The following HS3ST4 variants were observed in gnomAD, a reference collection of about 807,000 sequenced individuals.
HS3ST4 encodes the protein heparan sulfate glucosamine 3-O-sulfotransferase 4.
HS3ST4 carries 17 observed loss-of-function variants against 29.2 expected under a neutral mutation model. That is an observed-to-expected ratio of 0.58 (90% CI 0.40 to 0.87). HS3ST4 has a LOEUF of 0.87. Among genes scored for constraint, HS3ST4 ranks in the 40% least tolerant of loss-of-function variants. The probability of loss-of-function intolerance (pLI) is 0.00; values close to 1 mark genes in which losing one functional copy is unlikely to be tolerated. For missense variants in HS3ST4, 627 were observed against 634.5 expected (o/e 0.99, Z 0.13); for synonymous variants, 314 against 285.7 (o/e 1.10, Z -1.00).
intron 1 of HS3ST4, among the ~76,000 whole-genome samples, chr16:25,826,950 G>A (rs1251451984): frequency 6.6e-6 from 1 of 152,074 alleles, no homozygotes; most frequent in Non-Finnish European, 1.5e-5. Flanking sequence ...AGTCCTCGGT[G>A]TGCCTTTGTT....
rs184277673 is a variant in HS3ST4 at position 26,025,880 on chromosome 16, A to T, written c.735-109732A>T. Among the ~76,000 whole-genome samples the T allele has an allele frequency of 2.4e-3, 373 of 152,270 alleles. 2 individuals are homozygous for T. The highest frequency in any genetic ancestry group is 8.8e-3 in the African/African-American group (366 of 41,562). ...AACCTCTGCCTCCCGGATTTAAACA[A>T]TTCTCCTGCCTCAGCCTCCCAAGTA... On this transcript the variant is annotated intron_variant, in intron 1 of 1. Transcript: ENST00000331351.
chr16:25,740,621 A>T (rs1461560302), intron 1 of HS3ST4, among the ~76,000 whole-genome samples: 1 of 152,206 alleles, frequency 6.6e-6, no homozygotes, highest in Non-Finnish European at 1.5e-5. Context: ...TAAACCATGT[A>T]AAATAAAAGG....
Position 25,993,949 on chromosome 16 carries a change from CGTGTGTGTGTGTGTGTGTGTGT to C in HS3ST4, c.735-141625_735-141604del, listed in dbSNP as rs56226178. On this transcript the variant is annotated intron_variant, in intron 1 of 1. Coordinates refer to ENST00000331351, the MANE Select transcript of HS3ST4 (RefSeq NM_006040.3). ...CATCTTGCCTATGCTCACATAACCT[CGTGTGTGTGTGTGTGTGTGTGT>C]GTGTGTGTGTGTGTGTGTGTGTGTG... Among the ~76,000 whole-genome samples the C allele has an allele frequency of 2.3e-3, 274 of 121,320 alleles. 2 individuals carry two copies. Among genetic ancestry groups the C allele is most frequent in the African/African-American group, 7.4e-3 (222 of 29,972 alleles). 79.6% of individuals were successfully genotyped at this position (121,320 alleles called of 152,430 possible). A position where few individuals can be genotyped will look rare whatever the true frequency, so the allele number is the denominator to read the frequency against.
At chr16:25,819,302 A>G (rs549748107) in intron 1 of HS3ST4, among the ~76,000 whole-genome samples, 1 of 152,258 alleles carries the variant, frequency 6.6e-6, no homozygotes, top group East Asian at 1.9e-4. Flanking sequence ...ACTCTCCTAC[A>G]ACATCCAAGG....
chr16:26,024,962 A>G (rs1184923179), intron 1 of HS3ST4, among the ~76,000 whole-genome samples: 1 of 152,164 alleles, frequency 6.6e-6, no homozygotes, highest in Non-Finnish European at 1.5e-5. Flanking sequence ...AATATGACTT[A>G]TCTTTATTCT....
chr16:26,121,547 C>G (rs1361074166), intron 1 of HS3ST4, among the ~76,000 whole-genome samples: 1 of 152,130 alleles, frequency 6.6e-6, no homozygotes, highest in Non-Finnish European at 1.5e-5. Context: ...GCAAACAGGG[C>G]TTGGATCAGT....
At chr16:26,013,205 CA>C (rs1969327521) in intron 1 of HS3ST4, among the ~76,000 whole-genome samples, 1 of 151,570 alleles carries the variant, frequency 6.6e-6, no homozygotes, top group Non-Finnish European at 1.5e-5. Context: ...AAAAAAACAC[CA>C]AAAAAACAAA....
rs142468680 is a variant in HS3ST4 at position 26,061,507 on chromosome 16, T to C, written c.735-74105T>C. On this transcript the variant is annotated intron_variant, in intron 1 of 1. Coordinates refer to ENST00000331351, the MANE Select transcript of HS3ST4 (RefSeq NM_006040.3). The stretch of plus-strand genomic sequence containing the variant: ...ACCAGGAACAATTATGATCAGGAGG[T>C]GGGTAGATTTAAGAATCCTGGCCAG... Among the ~76,000 whole-genome samples the C allele has an allele frequency of 3.8e-3, 580 of 152,170 alleles. 4 individuals carry two copies. Among genetic ancestry groups the C allele is most frequent in the African/African-American group, 0.013 (557 of 41,512 alleles).
At chr16:25,867,334 G>A (rs1481809950) in intron 1 of HS3ST4, among the ~76,000 whole-genome samples, 1 of 152,110 alleles carries the variant, frequency 6.6e-6, no homozygotes, top group Non-Finnish European at 1.5e-5. Context: ...CCCGCTGATA[G>A]GAGCAGCAAA....
intron 1 of HS3ST4, among the ~76,000 whole-genome samples, chr16:26,058,518 G>C (rs905054252): frequency 1.3e-5 from 2 of 152,166 alleles, no homozygotes; most frequent in Non-Finnish European, 2.9e-5. Flanking sequence ...GAACGGCTCT[G>C]TGGAGCCTGT....
intron 1 of HS3ST4, among the ~76,000 whole-genome samples, chr16:25,984,677 C>T (rs1969044050): frequency 6.6e-6 from 1 of 152,186 alleles, no homozygotes; most frequent in Non-Finnish European, 1.5e-5. Context: ...CTTTCTGTTC[C>T]TGGTTTATTT....
At chr16:26,133,703 T>C (rs1235444381) in intron 1 of HS3ST4, among the ~76,000 whole-genome samples, 3 of 152,240 alleles carry the variant, frequency 2.0e-5, no homozygotes, top group East Asian at 1.9e-4. Flanking sequence ...TGACAGAGCA[T>C]GTGAATTAGA....
chr16:26,066,791 C>T (rs1044391360), intron 1 of HS3ST4, among the ~76,000 whole-genome samples: 1 of 152,210 alleles, frequency 6.6e-6, no homozygotes, highest in Non-Finnish European at 1.5e-5. Context: ...AGAATGAGAG[C>T]CTCACTCTAC....
chr16:25,749,485 G>T (rs1185494492), intron 1 of HS3ST4, among the ~76,000 whole-genome samples: 1 of 151,976 alleles, frequency 6.6e-6, no homozygotes, highest in East Asian at 1.9e-4. Flanking sequence ...ATGGGAGTGA[G>T]ATCCCATATC....
intron 1 of HS3ST4, among the ~76,000 whole-genome samples, chr16:25,956,621 C>T (rs1189600145): frequency 2.0e-5 from 3 of 152,138 alleles, no homozygotes; most frequent in South Asian, 4.2e-4. Flanking sequence ...TCTAATGTTA[C>T]AAATCATAAC....
intron 1 of HS3ST4, among the ~76,000 whole-genome samples, chr16:25,735,823 A>G (rs1966605120): frequency 6.6e-6 from 1 of 152,118 alleles, no homozygotes; most frequent in Admixed American, 6.6e-5. Flanking sequence ...TGAGCCTACC[A>G]CTGTGAGCCT....
intron 1 of HS3ST4, among the ~76,000 whole-genome samples, chr16:25,926,344 C>T (rs1221860952): frequency 6.6e-6 from 1 of 152,228 alleles, no homozygotes; most frequent in Non-Finnish European, 1.5e-5. Flanking sequence ...CCTTCGTAAG[C>T]ATTTGCAAAA....
At chr16:26,095,756 T>G (rs1898918348) in intron 1 of HS3ST4, among the ~76,000 whole-genome samples, 2 of 151,914 alleles carry the variant, frequency 1.3e-5, no homozygotes, top group Admixed American at 1.3e-4. Flanking sequence ...AGGCAAGAAA[T>G]AACTAAGATC....
At chr16:25,978,364 A>G (rs1287619460) in intron 1 of HS3ST4, among the ~76,000 whole-genome samples, 2 of 152,266 alleles carry the variant, frequency 1.3e-5, no homozygotes, top group Non-Finnish European at 2.9e-5. Context: ...GGCAGGCCCT[A>G]CAGTCTCTGT....
Sources: gnomAD v4.1 joint callset for allele counts (sites outside exome capture counted in the v4.1 genomes callset) on GRCh38, gnomAD v4.1.1 for gene constraint, MANE v1.5 for transcripts, NCBI Gene and HGNC (gene_info 2026-07-23, HGNC 2026-07-21) for gene names.